SLC5A12: variants seen among roughly 807,000 people sequenced by gnomAD.
The protein encoded by SLC5A12 is sodium-coupled monocarboxylate transporter 2.
In SLC5A12, 46 loss-of-function variants were observed where a neutral mutation model predicts 72.7. The ratio of observed to expected loss-of-function variants is 0.63; its 90% CI spans 0.50 to 0.81. SLC5A12 has a LOEUF of 0.81. Among genes scored for constraint, SLC5A12 ranks in the 30% least tolerant of loss-of-function variants. SLC5A12 has a pLI of 0.00. For synonymous variants in SLC5A12, 275 were observed against 264.4 expected (o/e 1.04, Z -0.39); for missense variants, 683 against 740.7 (o/e 0.92, Z 0.90).
intron 13 of SLC5A12, among the ~76,000 whole-genome samples, chr11:26,676,680 A>G (rs555805174): frequency 6.6e-6 from 1 of 152,222 alleles, no homozygotes; most frequent in South Asian, 2.1e-4. Flanking sequence ...AAATTAAAAA[A>G]TAACTTTCAG....
At chr11:26,712,931 G>T (rs555740877) in intron 1 of SLC5A12, among the ~76,000 whole-genome samples, 1 of 152,214 alleles carries the variant, frequency 6.6e-6, no homozygotes, top group African/African-American at 2.4e-5. Context: ...TCAGAGAAGA[G>T]AAGTGGGTTG....
At chr11:26,705,925 T>TACACAC (rs71047876) in intron 4 of SLC5A12, among the ~76,000 whole-genome samples, 9 of 129,718 alleles carry the variant, frequency 6.9e-5, no homozygotes, top group East Asian at 4.7e-4. Flanking sequence ...TTCTCTGTCA[T>TACACAC]ACACACACAC....
intron 6 of SLC5A12, among the ~76,000 whole-genome samples, chr11:26,703,272 T>C (rs575653533): frequency 6.6e-6 from 1 of 152,218 alleles, no homozygotes; most frequent in Admixed American, 6.5e-5. Flanking sequence ...TCTCAATAAA[T>C]GGAGGCAGCA....
intron 13 of SLC5A12, among the ~76,000 whole-genome samples, chr11:26,677,254 G>T (rs1236592444): frequency 1.3e-5 from 2 of 152,052 alleles, no homozygotes; most frequent in African/African-American, 4.8e-5. Context: ...CTTATTTGGA[G>T]AAAAAGAAAA....
chr11:26,711,814 T>C (rs779786893), intron 2 of SLC5A12, among the ~76,000 whole-genome samples: 18 of 152,086 alleles, frequency 1.2e-4, no homozygotes, highest in Admixed American at 2.0e-4. Context: ...GAGAAAGTAC[T>C]GTGCTGGGAA....
chr11:26,698,557 T>C, intron 6 of SLC5A12, 22 bp from the exon 7 acceptor site: 1 of 1,613,284 alleles, frequency 6.2e-7, no homozygotes, highest in Non-Finnish European at 8.5e-7. Flanking sequence ...CACATGGGCC[T>C]ATTGGTAGCC....
At chr11:26,698,956 C>T (rs982525036) in intron 6 of SLC5A12, among the ~76,000 whole-genome samples, 1 of 152,128 alleles carries the variant, frequency 6.6e-6, no homozygotes, top group African/African-American at 2.4e-5. Flanking sequence ...AGATAATGAG[C>T]TAACACAGAA....
intron 5 of SLC5A12, 43 bp downstream of exon 5, chr11:26,703,750 A>G (rs1855019081): frequency 1.2e-6 from 2 of 1,612,924 alleles, no homozygotes; most frequent in Admixed American, 1.7e-5. Flanking sequence ...AAGGTCATGT[A>G]GCTAAGTCTT....
chr11:26,673,353 A>T (rs1336854045), intron 14 of SLC5A12, 49 bp downstream of exon 14: 1 of 1,434,410 alleles, frequency 7.0e-7, no homozygotes, highest in Non-Finnish European at 9.2e-7. Context: ...CAAAACCAGG[A>T]ATCCCTTTGA....
intron 14 of SLC5A12, among the ~76,000 whole-genome samples, chr11:26,671,460 C>A (rs71480140): frequency 6.6e-6 from 1 of 152,030 alleles, no homozygotes; most frequent in Non-Finnish European, 1.5e-5. Flanking sequence ...GCAAAAAGAA[C>A]AATTTATTGA....
intron 6 of SLC5A12, among the ~76,000 whole-genome samples, chr11:26,701,775 C>T (rs1278370563): frequency 6.6e-6 from 1 of 152,060 alleles, no homozygotes; most frequent in South Asian, 2.1e-4. Flanking sequence ...TATACACATA[C>T]ACACTCACAT....
Position 26,668,064 on chromosome 11 carries a change from C to A in SLC5A12, c.*3038G>T, listed in dbSNP as rs1314610214. On this transcript the variant is annotated 3_prime_UTR_variant, in exon 15 of 15. Transcript: ENST00000396005. ...TATTAAGTAGGGGTAATTTTTACTC[C>A]TATTAATTGGTGAATAAACTAAGAT... 1 of 151,804 alleles carries A rather than the reference C, an allele frequency of 6.6e-6. No individual in the cohort carries two copies. The highest frequency in any genetic ancestry group is 6.6e-5 in the Admixed American group (1 of 15,194). The allele number at this position is 151,804 out of a possible 1,614,324, so 9.4% of individuals were successfully genotyped here. A position where few individuals can be genotyped will look rare whatever the true frequency, so the allele number is the denominator to read the frequency against.
intron 6 of SLC5A12, among the ~76,000 whole-genome samples, chr11:26,701,693 G>A (rs1474507602): frequency 6.6e-6 from 1 of 151,960 alleles, no homozygotes; most frequent in East Asian, 1.9e-4. Context: ...ATAACAATAA[G>A]TTCATTGGTG....
chr11:26,718,642 G>A (rs939031440), intron 1 of SLC5A12, among the ~76,000 whole-genome samples: 8 of 149,096 alleles, frequency 5.4e-5, no homozygotes, highest in East Asian at 3.9e-4. Flanking sequence ...GTGTGTGTGT[G>A]TGTGTGTGTG....
At chr11:26,705,952 AC>A (rs1855077703) in intron 4 of SLC5A12, among the ~76,000 whole-genome samples, 1 of 150,236 alleles carries the variant, frequency 6.7e-6, no homozygotes, top group African/African-American at 2.5e-5. Context: ...ACACACACAC[AC>A]ACACACACAC....
At chr11:26,690,363 A>G (rs186130223) in intron 9 of SLC5A12, among the ~76,000 whole-genome samples, 74 of 152,200 alleles carry the variant, frequency 4.9e-4, no homozygotes, top group African/African-American at 1.7e-3. Flanking sequence ...ATAAAACAAG[A>G]TGGTACACTC....
chr11:26,694,966 C>A (rs912117520), intron 8 of SLC5A12, among the ~76,000 whole-genome samples: 2 of 151,782 alleles, frequency 1.3e-5, no homozygotes, highest in African/African-American at 4.8e-5. Flanking sequence ...AATTATTTAT[C>A]ATGTTCTCAA....
intron 14 of SLC5A12, among the ~76,000 whole-genome samples, chr11:26,672,770 C>G (rs1854173328): frequency 6.6e-6 from 1 of 152,120 alleles, no homozygotes; most frequent in South Asian, 2.1e-4. Context: ...GTCTCTAGTA[C>G]TGCCTGATCT....
At position 26,670,887 on chromosome 11, in the gene SLC5A12, G is replaced by T; in HGVS notation, c.*215C>A. On this transcript the variant is annotated 3_prime_UTR_variant, in exon 15 of 15. Transcript: ENST00000396005. ...AGTCAAGGGCATTTGGAGCAGGTTGGTTTTTCTCTGTGAAAGTTGGAGTCT... is the reference window on the plus strand; with the variant it reads ...AGTCAAGGGCATTTGGAGCAGGTTGTTTTTTCTCTGTGAAAGTTGGAGTCT... 2.5e-6 allele frequency: 1 copy of T among 394,690 alleles called. No homozygotes were observed. Among genetic ancestry groups the T allele is most frequent in the Non-Finnish European group, 4.4e-6 (1 of 226,628 alleles). The allele number at this position is 394,690 out of a possible 1,614,324, so 24.4% of individuals were successfully genotyped here. A position where few individuals can be genotyped will look rare whatever the true frequency, so the allele number is the denominator to read the frequency against.
Sources: gnomAD v4.1 joint callset for allele counts (sites outside exome capture counted in the v4.1 genomes callset) on GRCh38, gnomAD v4.1.1 for gene constraint, MANE v1.5 for transcripts, NCBI Gene and HGNC (gene_info 2026-07-23, HGNC 2026-07-21) for gene names.